PCDHGA11: variants seen among roughly 807,000 people sequenced by gnomAD.
PCDHGA11 encodes the protein protocadherin gamma subfamily A, 11.
Under a neutral mutation model 60.4 loss-of-function variants are expected in PCDHGA11, and 39 were observed. The observed-to-expected ratio is 0.65, with a 90% CI of 0.50 to 0.84. The LOEUF (loss-of-function observed/expected upper bound fraction) is 0.84. Among genes scored for constraint, PCDHGA11 ranks in the 40% least tolerant of loss-of-function variants. The pLI is 0.00. For synonymous variants in PCDHGA11, 533 were observed against 510.3 expected (o/e 1.04, Z -0.60); for missense variants, 1,165 against 1,197.7 (o/e 0.97, Z 0.40).
Position 141,491,349 on chromosome 5 carries a change from C to G in PCDHGA11, c.2434-3458C>G. 6.2e-7 allele frequency: 1 copy of G among 1,614,168 alleles called. No individual in the cohort carries two copies. Among genetic ancestry groups the G allele is most frequent in the Non-Finnish European group, 8.5e-7 (1 of 1,180,016 alleles). ...TTGTGGCTCTAGCGACCGTCAGTCT[C>G]TTATCCCTAGTCACCTTCACCTTTC... is the stretch of plus-strand genomic sequence containing the variant. On this transcript the variant is annotated intron_variant, in intron 1 of 3. Transcript: ENST00000398587. The surrounding 1 kb of genome is among the most constrained non-coding windows in gnomAD (Gnocchi z 6.9).
At chr5:141,438,210 A>G (rs1228726792) in intron 1 of PCDHGA11, among the ~76,000 whole-genome samples, 2 of 152,188 alleles carry the variant, frequency 1.3e-5, no homozygotes, top group Non-Finnish European at 2.9e-5. Flanking sequence ...ACCATATGGG[A>G]AGGGCTCTGG....
At chr5:141,498,581 C>A (rs1281809549) in intron 2 of PCDHGA11, among the ~76,000 whole-genome samples, 1 of 152,104 alleles carries the variant, frequency 6.6e-6, no homozygotes, top group East Asian at 1.9e-4. Flanking sequence ...GTATTGAGTT[C>A]TTCAGTAAAC....
intron 1 of PCDHGA11, chr5:141,429,167 T>TAC (rs1357037045): frequency 6.6e-5 from 9 of 136,102 alleles, no homozygotes; most frequent in African/African-American, 8.8e-5. Context: ...AGACATTGTT[T>TAC]ATACACACAC....
intron 1 of PCDHGA11, among the ~76,000 whole-genome samples, chr5:141,479,036 G>C (rs1202411463): frequency 1.3e-5 from 2 of 152,012 alleles, no homozygotes; most frequent in Non-Finnish European, 2.9e-5. Flanking sequence ...TATACAGATC[G>C]TGTACCTCAT....
rs775712620 is a variant in PCDHGA11, at chr5:141,491,341, G to T, written c.2434-3466G>T. 1 of 1,613,982 alleles carries T rather than the reference G, an allele frequency of 6.2e-7. No homozygotes were observed. The highest frequency in any genetic ancestry group is 8.5e-7 in the Non-Finnish European group (1 of 1,180,016). ...TTACCTCATTGTGGCTCTAGCGACC[G>T]TCAGTCTCTTATCCCTAGTCACCTT... On this transcript the variant is annotated intron_variant, in intron 1 of 3. Coordinates refer to ENST00000398587, the MANE Select transcript of PCDHGA11 (RefSeq NM_018914.3). The surrounding 1 kb of genome is among the most constrained non-coding windows in gnomAD (Gnocchi z 6.9).
chr5:141,485,674 T>C lies in PCDHGA11; in HGVS notation c.2434-9133T>C. 1 of 1,612,986 alleles carries C rather than the reference T, an allele frequency of 6.2e-7. No homozygotes were observed. Among genetic ancestry groups the C allele is most frequent in the South Asian group, 1.1e-5 (1 of 91,072 alleles). Reference sequence around the variant, plus strand: ...ATGCAGATGTGGGGAGCAATTCGATTAGCAGCTATAGGCTGAGCTCCAATG... The same window carrying C: ...ATGCAGATGTGGGGAGCAATTCGATCAGCAGCTATAGGCTGAGCTCCAATG... On this transcript the variant is annotated intron_variant, in intron 1 of 3. Transcript: ENST00000398587. This position sits in a 1 kb window ranked among gnomAD's most constrained non-coding sequence, Gnocchi z 5.7.
chr5:141,494,812 C>G lies in PCDHGA11; in HGVS notation c.2439C>G (p.Ala813=). The part of the protein sequence containing the change: ...GKCDPTSNQQ[A]PPNTDWRFSQ... ...TCCCTCTGTTTTCTCCACAGCAAGCCCCGCCCAACACGGACTGGCGTTTCT... is the reference window on the plus strand; with the variant it reads ...TCCCTCTGTTTTCTCCACAGCAAGCGCCGCCCAACACGGACTGGCGTTTCT... The change falls in exon 2 of 4, where the codon GCC becomes GCG. Residue 813 remains alanine, a synonymous_variant. Coordinates refer to ENST00000398587, the MANE Select transcript of PCDHGA11 (RefSeq NM_018914.3). 4 of 1,614,146 alleles carry G rather than the reference C, an allele frequency of 2.5e-6. No homozygotes were observed. The highest frequency in any genetic ancestry group is 3.4e-6 in the Non-Finnish European group (4 of 1,180,016).
At chr5:141,503,335 G>A (rs111643076) in intron 2 of PCDHGA11, among the ~76,000 whole-genome samples, 108 of 152,220 alleles carry the variant, frequency 7.1e-4, no homozygotes, top group African/African-American at 2.4e-3. Context: ...GGTGGCTCAC[G>A]CCTGTAATTC....
At chr5:141,450,957 T>G (rs2154563418) in intron 1 of PCDHGA11, among the ~76,000 whole-genome samples, 1 of 152,010 alleles carries the variant, frequency 6.6e-6, no homozygotes, top group Non-Finnish European at 1.5e-5. Context: ...CCCAAGTAGC[T>G]GGGATTACAG....
At chr5:141,449,566 G>A (rs1235137244) in intron 1 of PCDHGA11, among the ~76,000 whole-genome samples, 4 of 147,126 alleles carry the variant, frequency 2.7e-5, no homozygotes, top group East Asian at 4.0e-4. Context: ...TCCAGCCTGG[G>A]CGACAGAGCA....
chr5:141,478,822 T>A, intron 1 of PCDHGA11: 2 of 1,444,070 alleles, frequency 1.4e-6, no homozygotes, highest in South Asian at 1.5e-5. Context: ...AACTAACCAA[T>A]CTTGCTAAGG....
At chr5:141,447,938 T>G in intron 1 of PCDHGA11, among the ~76,000 whole-genome samples, 1 of 151,870 alleles carries the variant, frequency 6.6e-6, no homozygotes, top group Admixed American at 6.6e-5. Flanking sequence ...ATACAAAAAT[T>G]AGCTGGGCAT....
chr5:141,435,066 G>A (rs936110088), intron 1 of PCDHGA11, among the ~76,000 whole-genome samples: 3 of 151,920 alleles, frequency 2.0e-5, no homozygotes, highest in African/African-American at 7.3e-5. Context: ...GCAGTTTTGT[G>A]TAGACCGTCT....
Position 141,422,375 on chromosome 5 carries a change from TCTC to T in PCDHGA11, c.1151_1153del (p.Ser384del). The T allele has an allele frequency of 6.4e-7, 1 of 1,570,814 alleles. No homozygotes were observed. The highest frequency in any genetic ancestry group is 8.6e-7 in the Non-Finnish European group (1 of 1,163,296). ...CAAGATTCTGGAGAAAATGGTCAAG[TCTC>T]CTGTTTTATTCCTAACCACCTGCCT... On this transcript the variant is annotated inframe_deletion, in exon 1 of 4. Transcript: ENST00000398587.
At chr5:141,457,607 T>C (rs578113551) in intron 1 of PCDHGA11, among the ~76,000 whole-genome samples, 2 of 152,360 alleles carry the variant, frequency 1.3e-5, no homozygotes, top group African/African-American at 4.8e-5. Context: ...AAACTAATTA[T>C]GAATGAACTT....
At chr5:141,426,407 C>T (rs974898367) in intron 1 of PCDHGA11, 5 of 257,632 alleles carry the variant, frequency 1.9e-5, no homozygotes, top group African/African-American at 6.6e-5. Context: ...CCAGAAGAAA[C>T]GGTCCAGGGC....
intron 2 of PCDHGA11, among the ~76,000 whole-genome samples, chr5:141,497,248 G>A (rs1442942520): frequency 6.6e-6 from 1 of 152,128 alleles, no homozygotes; most frequent in African/African-American, 2.4e-5. Context: ...AGGAGGAGGT[G>A]ACATTGAGAA....
At position 141,505,504 on chromosome 5, in the gene PCDHGA11, T is replaced by C. The variant is rs756583857; in HGVS notation, c.2581+23T>C. The C allele has an allele frequency of 9.3e-6, 15 of 1,614,020 alleles. No individual in the cohort carries two copies. The African/African-American group carries it at 1.2e-4, about 13-fold the overall frequency. ...GTGGTAAGTGGTGTCAGTGTGTGTA[T>C]GGAAGAGTGGGAGACCTGGGGTTCT... On this transcript the variant is annotated intron_variant, in intron 3 of 3. Transcript: ENST00000398587.
At chr5:141,484,943 C>T (rs542244720) in intron 1 of PCDHGA11, 14 of 546,098 alleles carry the variant, frequency 2.6e-5, no homozygotes, top group African/African-American at 2.3e-4. Flanking sequence ...GTTCTCTGCT[C>T]AGCCTATTGG....
Sources: allele counts gnomAD v4.1 joint callset (sites outside exome capture counted in the v4.1 genomes callset), GRCh38; gene constraint gnomAD v4.1.1; non-coding constraint Gnocchi (gnomAD v3.1); transcripts MANE v1.5; gene names NCBI Gene and HGNC (gene_info 2026-07-23, HGNC 2026-07-21).